The following HS6ST3 variants were observed in gnomAD, a reference collection of about 807,000 sequenced individuals.
HS6ST3 encodes heparan-sulfate 6-O-sulfotransferase 3.
In HS6ST3, 12 loss-of-function variants were observed where a neutral mutation model predicts 36.7. The observed-to-expected ratio is 0.33, with a 90% CI of 0.21 to 0.53. HS6ST3 has a LOEUF of 0.53. HS6ST3 is among the 20% of genes least tolerant of loss of function. The probability of loss-of-function intolerance (pLI) is 0.95; values close to 1 mark genes in which losing one functional copy is unlikely to be tolerated. For synonymous variants in HS6ST3, 240 were observed against 257.5 expected, an observed-to-expected ratio of 0.93 and a Z score of 0.65; for missense variants, 584 against 640.9, an observed-to-expected ratio of 0.91 and a Z score of 0.96.
intron 1 of HS6ST3, among the ~76,000 whole-genome samples, chr13:96,532,024 A>G (rs952328532): frequency 1.2e-4 from 19 of 152,156 alleles, no homozygotes; most frequent in African/African-American, 4.6e-4. Flanking sequence ...TAGACAAGTA[A>G]CAGCAGGCCA....
intron 1 of HS6ST3, among the ~76,000 whole-genome samples, chr13:96,340,118 G>A (rs184859036): frequency 6.6e-4 from 101 of 152,224 alleles, no homozygotes; most frequent in African/African-American, 2.4e-3. Context: ...TATGTATTAG[G>A]TATGTTGGAA....
At chr13:96,772,005 G>T (rs1472979905) in intron 1 of HS6ST3, among the ~76,000 whole-genome samples, 2 of 152,084 alleles carry the variant, frequency 1.3e-5, no homozygotes, top group Non-Finnish European at 2.9e-5. Flanking sequence ...TTTCATATTT[G>T]GTCTTTATTT....
intron 1 of HS6ST3, among the ~76,000 whole-genome samples, chr13:96,479,622 G>A (rs1260135064): frequency 6.6e-6 from 1 of 152,152 alleles, no homozygotes; most frequent in East Asian, 1.9e-4. Context: ...ATAGATCAGA[G>A]AAATATTGAT....
At chr13:96,391,682 G>A (rs961909231) in intron 1 of HS6ST3, among the ~76,000 whole-genome samples, 8 of 152,062 alleles carry the variant, frequency 5.3e-5, no homozygotes, top group Non-Finnish European at 8.8e-5. Context: ...CATGGATGGC[G>A]GCAGGCAAAG....
At chr13:96,417,583 T>C (rs991863220) in intron 1 of HS6ST3, among the ~76,000 whole-genome samples, 2 of 102,972 alleles carry the variant, frequency 1.9e-5, no homozygotes, top group African/African-American at 7.5e-5. Context: ...AAAAATAGCA[T>C]ATATATATGT....
At chr13:96,172,402 G>A (rs557391644) in intron 1 of HS6ST3, among the ~76,000 whole-genome samples, 1 of 152,332 alleles carries the variant, frequency 6.6e-6, no homozygotes, top group East Asian at 1.9e-4. Flanking sequence ...AAAAAGCCCT[G>A]TGAGTTCACC....
intron 1 of HS6ST3, among the ~76,000 whole-genome samples, chr13:96,700,892 C>T (rs919375531): frequency 1.3e-5 from 2 of 152,128 alleles, no homozygotes; most frequent in African/African-American, 2.4e-5. Context: ...TGGAAAATGA[C>T]TTAATGAGTA....
intron 1 of HS6ST3, among the ~76,000 whole-genome samples, chr13:96,566,255 A>G (rs982675059): frequency 1.3e-5 from 2 of 152,158 alleles, no homozygotes; most frequent in Admixed American, 1.3e-4. Context: ...TTGCAGAGAG[A>G]ATAGAGAGAC....
At chr13:96,727,947 G>C (rs1278966843) in intron 1 of HS6ST3, among the ~76,000 whole-genome samples, 1 of 152,098 alleles carries the variant, frequency 6.6e-6, no homozygotes, top group African/African-American at 2.4e-5. Context: ...CCTAAGTCTA[G>C]TTTAGGCATT....
chr13:96,204,310 A>G (rs575878227), intron 1 of HS6ST3, among the ~76,000 whole-genome samples: 12 of 152,302 alleles, frequency 7.9e-5, no homozygotes, highest in Admixed American at 6.5e-4. Flanking sequence ...TAACTATCCC[A>G]CACAGATATG....
intron 1 of HS6ST3, among the ~76,000 whole-genome samples, chr13:96,133,611 C>T (rs553670359): frequency 4.7e-5 from 7 of 149,434 alleles, no homozygotes; most frequent in African/African-American, 1.7e-4. Context: ...TTAGTAGAAT[C>T]GGGGTTTCGC....
At chr13:96,235,439 C>G (rs2054529786) in intron 1 of HS6ST3, among the ~76,000 whole-genome samples, 1 of 152,136 alleles carries the variant, frequency 6.6e-6, no homozygotes. Context: ...GGAATGCAGG[C>G]TGCTTGGAGC....
At chr13:96,102,629 TA>T (rs1182296511) in intron 1 of HS6ST3, among the ~76,000 whole-genome samples, 1 of 152,234 alleles carries the variant, frequency 6.6e-6, no homozygotes, top group Non-Finnish European at 1.5e-5. Flanking sequence ...CTATAAAGAA[TA>T]ATTAATGTAA....
In HS6ST3 at chr13:96,158,743, G is replaced by A. The variant is rs566991093; in HGVS notation, c.707+67174G>A. ...AGACAGCCGGGAAAGTTTAGTATTA[G>A]TGAGCCCCAGGGACAGTGTTGGGCC... is the stretch of plus-strand genomic sequence containing the variant. On this transcript the variant is annotated intron_variant, in intron 1 of 1. Coordinates refer to ENST00000376705, the MANE Select transcript of HS6ST3 (RefSeq NM_153456.4). Among the ~76,000 whole-genome samples the A allele has an allele frequency of 7.8e-4, 118 of 151,354 alleles. 1 individual carries two copies. Among genetic ancestry groups the A allele is most frequent in the African/African-American group, 2.5e-3 (105 of 41,276 alleles).
intron 1 of HS6ST3, among the ~76,000 whole-genome samples, chr13:96,672,628 C>G (rs1392589671): frequency 6.6e-6 from 1 of 152,032 alleles, no homozygotes; most frequent in African/African-American, 2.4e-5. Flanking sequence ...TTGGTTGACT[C>G]CTTCATTTTG....
rs113346555 is a variant in HS6ST3, at chr13:96,575,658, C to A, written c.708-256832C>A. Among the ~76,000 whole-genome samples the A allele has an allele frequency of 1.6e-3, 237 of 152,344 alleles. 2 individuals are homozygous for A. Among genetic ancestry groups the A allele is most frequent in the African/African-American group, 5.4e-3 (224 of 41,572 alleles). On this transcript the variant is annotated intron_variant, in intron 1 of 1. Transcript: ENST00000376705. ...GTTTGGAATCTTCACCCCACCAGGG[C>A]AAATTTCCAAATAGCTTGTTTTAAT...
chr13:96,751,882 T>TTA lies in HS6ST3; in HGVS notation c.708-80597_708-80596dup, dbSNP rs540165599. Among the ~76,000 whole-genome samples the TTA allele has an allele frequency of 6.4e-3, 962 of 150,534 alleles. 7 individuals are homozygous for TTA. The highest frequency in any genetic ancestry group is 0.014 in the South Asian group (69 of 4,798). Reference sequence around the variant, plus strand: ...ACATAGCCTTCTTCTTTAAAAAAGTTTATATATATATAAACTATATATATA... The same window carrying TTA: ...ACATAGCCTTCTTCTTTAAAAAAGTTTATATATATATATAAACTATATATATA... On this transcript the variant is annotated intron_variant, in intron 1 of 1. Coordinates refer to ENST00000376705, the MANE Select transcript of HS6ST3 (RefSeq NM_153456.4).
At chr13:96,138,053 T>G (rs1027340877) in intron 1 of HS6ST3, among the ~76,000 whole-genome samples, 3 of 152,174 alleles carry the variant, frequency 2.0e-5, no homozygotes, top group Non-Finnish European at 2.9e-5. Context: ...CCCCCAATAC[T>G]TTTAGACCAG....
intron 1 of HS6ST3, among the ~76,000 whole-genome samples, chr13:96,801,614 G>A (rs1253923095): frequency 1.3e-5 from 2 of 152,020 alleles, no homozygotes; most frequent in Admixed American, 6.6e-5. Context: ...GATAGTGGCT[G>A]TTGTCCCTTG....
Sources: gnomAD v4.1 joint callset for allele counts (sites outside exome capture counted in the v4.1 genomes callset) on GRCh38, gnomAD v4.1.1 for gene constraint, MANE v1.5 for transcripts, NCBI Gene and HGNC (gene_info 2026-07-23, HGNC 2026-07-21) for gene names.